Variants in DENND4A observed in about 807,000 individuals in gnomAD.
The protein encoded by DENND4A is DENN domain containing 4A, also known as C-myc promoter-binding protein.
In DENND4A, 70 loss-of-function variants were observed where a neutral mutation model predicts 199.3. The observed-to-expected ratio is 0.35, with a 90% CI of 0.29 to 0.43. DENND4A has a LOEUF of 0.43. DENND4A is among the 20% of genes least tolerant of loss of function. The pLI is 1.00. For synonymous variants in DENND4A, 686 were observed against 766.9 expected (o/e 0.89, Z 1.74); for missense variants, 1,723 against 2,255.8 (o/e 0.76, Z 4.78).
intron 1 of DENND4A, among the ~76,000 whole-genome samples, chr15:65,772,907 A>C (rs1419942834): frequency 3.3e-5 from 5 of 150,120 alleles, no homozygotes; most frequent in Admixed American, 2.7e-4. Flanking sequence ...TGCCACCCAA[A>C]AGTGGACCCT....
intron 9 of DENND4A, 87 bp downstream of exon 9, chr15:65,731,555 T>TATTCAAA (rs2075959277): frequency 3.1e-6 from 3 of 971,726 alleles, no homozygotes; most frequent in Non-Finnish European, 4.7e-6. Flanking sequence ...TTTCCATCAA[T>TATTCAAA]ATTTGAAATT....
intron 29 of DENND4A, 130 bp from the exon 30 acceptor site, chr15:65,665,592 A>G: frequency 1.7e-6 from 1 of 599,144 alleles, no homozygotes; most frequent in South Asian, 3.1e-5. Context: ...AAAAAGACTG[A>G]TTTATCTACA....
At chr15:65,676,926 T>C (rs2076400126) in intron 23 of DENND4A, among the ~76,000 whole-genome samples, 1 of 152,256 alleles carries the variant, frequency 6.6e-6, no homozygotes, top group African/African-American at 2.4e-5. Flanking sequence ...TTTTCCTCTC[T>C]GACAAGGTAT....
intron 22 of DENND4A, among the ~76,000 whole-genome samples, chr15:65,695,163 T>C (rs2077101343): frequency 6.6e-6 from 1 of 152,186 alleles, no homozygotes; most frequent in Non-Finnish European, 1.5e-5. Context: ...ATAGGTGATC[T>C]AACTTTCTTT....
In DENND4A at chr15:65,703,061, A is replaced by G. The variant is rs1240217467; in HGVS notation, c.2088-53T>C. On this transcript the variant is annotated intron_variant, in intron 15 of 32. Transcript: ENST00000443035. ...AAAAAGAGTTCTCAAGCACACATAG[A>G]TGATCATAGTGGTTACAGGTTAATA... 3 of 1,538,542 alleles carry G rather than the reference A, an allele frequency of 1.9e-6. No individual in the cohort carries two copies. In the East Asian group the frequency reaches 6.8e-5, roughly 35 times the overall value.
intron 14 of DENND4A, among the ~76,000 whole-genome samples, chr15:65,712,807 A>C (rs994269334): frequency 6.6e-6 from 1 of 152,130 alleles, no homozygotes; most frequent in Non-Finnish European, 1.5e-5. Flanking sequence ...TTAACGTTAC[A>C]AATTGTTGTG....
chr15:65,666,778 C>CAAA (rs36113125), intron 29 of DENND4A, among the ~76,000 whole-genome samples: 8 of 91,728 alleles, frequency 8.7e-5, no homozygotes, highest in African/African-American at 1.8e-4. Flanking sequence ...GACCTTGTGT[C>CAAA]AAAAAAAAAA....
intron 1 of DENND4A, among the ~76,000 whole-genome samples, chr15:65,766,121 C>T (rs2140824784): frequency 6.6e-6 from 1 of 152,012 alleles, no homozygotes; most frequent in East Asian, 1.9e-4. Flanking sequence ...TATGGTGGTG[C>T]ACGCCTGTAG....
intron 23 of DENND4A, among the ~76,000 whole-genome samples, chr15:65,688,933 C>T (rs866276048): frequency 3.9e-5 from 6 of 152,264 alleles, no homozygotes; most frequent in Middle Eastern, 3.4e-3. Flanking sequence ...GGTGGCCTTA[C>T]GTTACCACAG....
chr15:65,702,984 C>A lies in DENND4A; in HGVS notation c.2112G>T (p.Arg704Ser), dbSNP rs867576571. 6.2e-7 allele frequency: 1 copy of A among 1,612,110 alleles called. No homozygotes were observed. The highest frequency in any genetic ancestry group is 8.5e-7 in the Non-Finnish European group (1 of 1,179,220). Residue 704 changes from arginine (R) to serine (S), a missense_variant, in exon 16 of 33, where the codon AGG (arginine) becomes AGT (serine). Physicochemically the swap from Arg to Ser is moderately radical, Grantham distance 110. Transcript: ENST00000443035. Reference protein sequence around the residue: ...QYSYNGFPVLRNNLFERPEGF... With the variant: ...QYSYNGFPVLSNNLFERPEGF... ...CTTCAGGTCTTTCAAATAAATTGTT[C>A]CTAAGAACTGGAAATCCATTATAGC...
chr15:65,685,047 A>G (rs1713866708), intron 23 of DENND4A, among the ~76,000 whole-genome samples: 1 of 151,682 alleles, frequency 6.6e-6, no homozygotes, highest in African/African-American at 2.4e-5. Context: ...GGCTAGTCTT[A>G]AACTCCTGAC....
At chr15:65,773,753 C>T (rs2077204975) in intron 1 of DENND4A, among the ~76,000 whole-genome samples, 1 of 152,186 alleles carries the variant, frequency 6.6e-6, no homozygotes, top group Admixed American at 6.5e-5. Context: ...CAAACATACA[C>T]ACACCACTGC....
At position 65,702,295 on chromosome 15, in the gene DENND4A, T is replaced by C; in HGVS notation, c.2430+10A>G. On this transcript the variant is annotated intron_variant, in intron 17 of 32. Transcript: ENST00000443035. ...AAAAAATAAAATAACAACAATAAAA[T>C]AATTGTTACCTCATCAGGTGGATCC... is the stretch of plus-strand genomic sequence containing the variant. 6.5e-7 allele frequency: 1 copy of C among 1,546,834 alleles called. No homozygotes were observed. The highest frequency in any genetic ancestry group is 8.8e-7 in the Non-Finnish European group (1 of 1,142,846).
rs1054562833 is a variant in DENND4A, at chr15:65,660,413, T to C, written c.*1438A>G. On this transcript the variant is annotated 3_prime_UTR_variant, in exon 33 of 33. Coordinates refer to ENST00000443035, the MANE Select transcript of DENND4A (RefSeq NM_001320835.1). ...CCTCCAGTCCAAGTGTCGTGGACTC[T>C]ACTGGCTTTATACACCTAATTTGGG... 35 of 945,080 alleles carry C rather than the reference T, an allele frequency of 3.7e-5. No individual in the cohort carries two copies. The highest frequency in any genetic ancestry group is 5.3e-5 in the Non-Finnish European group (33 of 624,470). The allele number at this position is 945,080 out of a possible 1,614,324, so 58.5% of individuals were successfully genotyped here. A position where few individuals can be genotyped will look rare whatever the true frequency, so the allele number is the denominator to read the frequency against.
intron 1 of DENND4A, among the ~76,000 whole-genome samples, chr15:65,778,216 G>A (rs2077333961): frequency 6.6e-6 from 1 of 151,680 alleles, no homozygotes; most frequent in African/African-American, 2.4e-5. Flanking sequence ...AGATTAATAG[G>A]GAATTTCTTA....
In DENND4A at chr15:65,668,129, G is replaced by A; in HGVS notation, c.4788-6C>T. ...TTTCCTGCAGTTTAGATTTGCTTGG[G>A]AATTGAAAAAAGAAGAAAGTGTATC... is the stretch of plus-strand genomic sequence containing the variant. On this transcript the variant is annotated splice_polypyrimidine_tract_variant and splice_region_variant and intron_variant, in intron 27 of 32. Transcript: ENST00000443035. 6.4e-7 allele frequency: 1 copy of A among 1,561,192 alleles called. No individual in the cohort carries two copies. Among genetic ancestry groups the A allele is most frequent in the Non-Finnish European group, 8.6e-7 (1 of 1,160,622 alleles).
At chr15:65,722,602 T>A (rs2075681543) in intron 12 of DENND4A, among the ~76,000 whole-genome samples, 1 of 151,850 alleles carries the variant, frequency 6.6e-6, no homozygotes, top group Admixed American at 6.6e-5. Context: ...ATTTGGTAGA[T>A]ATAATATACA....
chr15:65,721,338 T>C (rs2075636306), intron 12 of DENND4A, among the ~76,000 whole-genome samples: 1 of 152,152 alleles, frequency 6.6e-6, no homozygotes, highest in African/African-American at 2.4e-5. Context: ...AAGTGTACTT[T>C]GTAAATACTG....
intron 1 of DENND4A, among the ~76,000 whole-genome samples, chr15:65,785,139 T>A (rs2140995322): frequency 6.9e-6 from 1 of 145,972 alleles, no homozygotes. Context: ...AAAAAAAAAA[T>A]CCACATGGCT....
Sources: allele counts gnomAD v4.1 joint callset (sites outside exome capture counted in the v4.1 genomes callset), GRCh38; gene constraint gnomAD v4.1.1; transcripts MANE v1.5; gene names NCBI Gene and HGNC (gene_info 2026-07-23, HGNC 2026-07-21).